The following PPP2R3A variants were observed in gnomAD, a reference collection of about 807,000 sequenced individuals.
PPP2R3A encodes the protein protein phosphatase 2 regulatory subunit B''alpha.
In PPP2R3A, 80 loss-of-function variants were observed where a neutral mutation model predicts 106.9. The ratio of observed to expected loss-of-function variants is 0.75; its 90% CI spans 0.62 to 0.90. The LOEUF is 0.90. Ranked by LOEUF, PPP2R3A falls within the 40% of genes least tolerant of loss-of-function variation. The pLI, the probability that PPP2R3A is intolerant of heterozygous loss-of-function variation, is 0.00. For missense variants in PPP2R3A, 1,386 were observed against 1,350.4 expected (o/e 1.03, Z -0.41); for synonymous variants, 483 against 468.3 (o/e 1.03, Z -0.41).
intron 13 of PPP2R3A, among the ~76,000 whole-genome samples, chr3:136,112,014 G>A (rs61687419): frequency 0.032 from 4,909 of 152,116 alleles, 256 homozygotes; most frequent in African/African-American, 0.11. Flanking sequence ...AATGCAATTC[G>A]TCACATGAAT....
At position 136,103,365 on chromosome 3, in the gene PPP2R3A, G is replaced by A. The variant is rs780142877; in HGVS notation, c.3211G>A (p.Ala1071Thr). The change falls in exon 12 of 14, where the codon GCG becomes ACG. Residue 1071 changes from alanine (A) to threonine (T), a missense_variant. By Grantham distance (58) the Ala-to-Thr change is moderately conservative. Coordinates refer to ENST00000264977, the MANE Select transcript of PPP2R3A (RefSeq NM_002718.5). ...AGACCATGAACAGAGAGATCCCTTT[G>A]CGGTCCAGAAGGTAACAGTATAATT... ...YLDHEQRDPFAVQKDVENDGP... is the reference protein window; with the variant it reads ...YLDHEQRDPFTVQKDVENDGP... 6.3e-7 allele frequency: 1 copy of A among 1,590,848 alleles called. No individual in the cohort carries two copies. Among genetic ancestry groups the A allele is most frequent in the Non-Finnish European group, 8.6e-7 (1 of 1,160,546 alleles).
intron 6 of PPP2R3A, among the ~76,000 whole-genome samples, chr3:136,077,693 C>T (rs1576484668): frequency 6.6e-6 from 1 of 152,298 alleles, no homozygotes; most frequent in East Asian, 1.9e-4. Flanking sequence ...TCTTCTCCTA[C>T]ACCACAGCAC....
intron 1 of PPP2R3A, among the ~76,000 whole-genome samples, chr3:135,975,213 A>G (rs546498630): frequency 1.5e-3 from 235 of 152,290 alleles, no homozygotes; most frequent in Non-Finnish European, 2.2e-3. Context: ...ATTAAAGGCA[A>G]TTGAGGGTTC....
rs1470073081 is a variant in PPP2R3A, at chr3:136,066,024, T to C, written c.2470-4454T>C. 2.0e-5 allele frequency among the ~76,000 whole-genome samples: 3 copies of C among 152,118 alleles called. No individual in the cohort carries two copies. The South Asian group carries it at 6.2e-4, about 31-fold the overall frequency. On this transcript the variant is annotated intron_variant, in intron 5 of 13. Transcript: ENST00000264977. ...GCTACTTTGCAGACACCTAGGAAAA[T>C]AAATGTGAAATCCTAGATGAAATGG...
At chr3:135,979,458 T>C (rs948994477) in intron 1 of PPP2R3A, among the ~76,000 whole-genome samples, 1 of 151,842 alleles carries the variant, frequency 6.6e-6, no homozygotes, top group Non-Finnish European at 1.5e-5. Context: ...ATTGTACTGA[T>C]TGATGTCCGA....
chr3:136,052,374 A>G (rs1935714489), intron 5 of PPP2R3A, among the ~76,000 whole-genome samples: 1 of 152,088 alleles, frequency 6.6e-6, no homozygotes, highest in Non-Finnish European at 1.5e-5. Flanking sequence ...GTCTCTCTAC[A>G]ATACAGCTTC....
intron 9 of PPP2R3A, among the ~76,000 whole-genome samples, chr3:136,088,261 C>A (rs1020969530): frequency 6.6e-6 from 1 of 152,172 alleles, no homozygotes; most frequent in Non-Finnish European, 1.5e-5. Flanking sequence ...TCCCTACCCA[C>A]TTCAGCAGTC....
chr3:136,098,634 T>G (rs2107960436), intron 10 of PPP2R3A, among the ~76,000 whole-genome samples: 1 of 152,312 alleles, frequency 6.6e-6, no homozygotes, highest in South Asian at 2.1e-4. Flanking sequence ...CTATTACCAA[T>G]TAATGTTGTT....
intron 5 of PPP2R3A, among the ~76,000 whole-genome samples, chr3:136,065,334 A>G (rs1239723379): frequency 6.6e-6 from 1 of 152,196 alleles, no homozygotes; most frequent in Non-Finnish European, 1.5e-5. Flanking sequence ...AAAAGACCTA[A>G]AAGTGTAAAT....
chr3:136,069,119 G>C (rs559825289), intron 5 of PPP2R3A, among the ~76,000 whole-genome samples: 35 of 152,298 alleles, frequency 2.3e-4, no homozygotes, highest in African/African-American at 7.9e-4. Flanking sequence ...AAAGACATTA[G>C]TGGAAAAACT....
chr3:136,080,107 T>C (rs1328712432), intron 7 of PPP2R3A, among the ~76,000 whole-genome samples: 1 of 152,220 alleles, frequency 6.6e-6, no homozygotes, highest in African/African-American at 2.4e-5. Context: ...GGCTGCTATT[T>C]TGAGGGTTTT....
rs781762679 is a variant in PPP2R3A at position 136,057,069 on chromosome 3, A to AC, written c.2469+7716dup. On this transcript the variant is annotated intron_variant, in intron 5 of 13. Coordinates refer to ENST00000264977, the MANE Select transcript of PPP2R3A (RefSeq NM_002718.5). ...GCTGGTGAGGATGCAGAGAAAGAGG[A>AC]CCCCCCCCACACACACCGTTGGTGG... Among the ~76,000 whole-genome samples the AC allele has an allele frequency of 5.9e-3, 861 of 146,438 alleles. 4 individuals are homozygous for AC. Among genetic ancestry groups the AC allele is most frequent in the African/African-American group, 0.015 (596 of 39,994 alleles).
At chr3:136,121,129 C>G (rs976383034) in intron 13 of PPP2R3A, among the ~76,000 whole-genome samples, 13 of 152,132 alleles carry the variant, frequency 8.5e-5, no homozygotes, top group African/African-American at 2.9e-4. Context: ...AAGACACATG[C>G]ACTTATACGT....
chr3:136,014,339 T>C (rs1934199149), intron 2 of PPP2R3A, among the ~76,000 whole-genome samples: 1 of 152,148 alleles, frequency 6.6e-6, no homozygotes. Flanking sequence ...GATTGTTTTT[T>C]CTAGTTTTGT....
chr3:136,143,798 AAAAC>A (rs897324582), intron 13 of PPP2R3A, among the ~76,000 whole-genome samples: 10 of 152,146 alleles, frequency 6.6e-5, no homozygotes, highest in Admixed American at 3.3e-4. Flanking sequence ...CTCAAAAGAA[AAAAC>A]ACACACAATG....
Position 136,002,795 on chromosome 3 carries a change from A to T in PPP2R3A, c.1297A>T (p.Thr433Ser), listed in dbSNP as rs1172527585. 1 of 1,613,778 alleles carries T rather than the reference A, an allele frequency of 6.2e-7. No individual in the cohort carries two copies. Among genetic ancestry groups the T allele is most frequent in the East Asian group, 2.2e-5 (1 of 44,860 alleles). Residue 433 changes from threonine to serine, a missense_variant, in exon 2 of 14, where the codon ACA becomes TCA. By Grantham distance (58) the Thr-to-Ser change is moderately conservative (BLOSUM62 1). Coordinates refer to ENST00000264977, the MANE Select transcript of PPP2R3A (RefSeq NM_002718.5). ...GAAAGCATTAGATAAAGGACAAAAG[A>T]CAGAGAATGGACCTAGTCATGAGTT... ...GKKALDKGQK[T>S]ENGPSHELLK...
At chr3:136,127,628 G>A (rs1029094110) in intron 13 of PPP2R3A, among the ~76,000 whole-genome samples, 2 of 152,060 alleles carry the variant, frequency 1.3e-5, no homozygotes, top group African/African-American at 4.8e-5. Flanking sequence ...ACCAAGCAAG[G>A]CAGGCCAACA....
At chr3:135,974,692 T>C (rs915281880) in intron 1 of PPP2R3A, among the ~76,000 whole-genome samples, 1 of 152,238 alleles carries the variant, frequency 6.6e-6, no homozygotes, top group Non-Finnish European at 1.5e-5. Context: ...TCTCAGCACT[T>C]TGGGGTAAAA....
chr3:135,993,520 T>C (rs1322467824), intron 1 of PPP2R3A, among the ~76,000 whole-genome samples: 1 of 152,246 alleles, frequency 6.6e-6, no homozygotes, highest in Non-Finnish European at 1.5e-5. Context: ...TTTATCATGA[T>C]GCAGTAATTC....
Sources: gnomAD v4.1 joint callset for allele counts (sites outside exome capture counted in the v4.1 genomes callset) on GRCh38, gnomAD v4.1.1 for gene constraint, MANE v1.5 for transcripts, NCBI Gene and HGNC (gene_info 2026-07-23, HGNC 2026-07-21) for gene names.